The following DLGAP2 variants were observed in gnomAD, a reference collection of about 807,000 sequenced individuals.
The protein encoded by DLGAP2 is disks large-associated protein 2.
Under a neutral mutation model 100.3 loss-of-function variants are expected in DLGAP2, and 26 were observed. That is an observed-to-expected ratio of 0.26 (90% CI 0.19 to 0.36). The LOEUF (loss-of-function observed/expected upper bound fraction) is 0.36. DLGAP2 is among the 10% of genes least tolerant of loss of function. The pLI, the probability that DLGAP2 is intolerant of heterozygous loss-of-function variation, is 1.00. For synonymous variants in DLGAP2, 886 were observed against 630.1 expected (o/e 1.41, Z -6.08); for missense variants, 1,858 against 1,453.2 (o/e 1.28, Z -4.53).
At chr8:1,529,803 C>G (rs1800927001) in intron 4 of DLGAP2, among the ~76,000 whole-genome samples, 2 of 152,110 alleles carry the variant, frequency 1.3e-5, no homozygotes, top group African/African-American at 4.8e-5. Flanking sequence ...GGACAGACTA[C>G]AAAAGAGAGA....
chr8:1,270,276 C>T (rs542212645), intron 3 of DLGAP2, among the ~76,000 whole-genome samples: 1 of 152,096 alleles, frequency 6.6e-6, no homozygotes, highest in African/African-American at 2.4e-5. Flanking sequence ...AGAGGAGCAA[C>T]GTCTGCAGAT....
At chr8:1,640,487 C>T (rs1585022828) in intron 8 of DLGAP2, among the ~76,000 whole-genome samples, 1 of 152,332 alleles carries the variant, frequency 6.6e-6, no homozygotes, top group African/African-American at 2.4e-5. Context: ...GGAATCTGAA[C>T]GTCTTCCCAG....
At chr8:1,594,838 C>G (rs1032050679) in intron 6 of DLGAP2, among the ~76,000 whole-genome samples, 11 of 152,180 alleles carry the variant, frequency 7.2e-5, no homozygotes, top group African/African-American at 2.7e-4. Context: ...TGCCCCTGAT[C>G]TTTCTCTGTG....
At chr8:1,476,288 A>G (rs1236220500) in intron 3 of DLGAP2, among the ~76,000 whole-genome samples, 3 of 152,254 alleles carry the variant, frequency 2.0e-5, no homozygotes, top group Middle Eastern at 3.4e-3. Context: ...ATCCCTCTGA[A>G]GTCTTATTTA....
At chr8:944,661 G>A (rs535027027) in intron 2 of DLGAP2, among the ~76,000 whole-genome samples, 1 of 152,036 alleles carries the variant, frequency 6.6e-6, no homozygotes, top group South Asian at 2.1e-4. Context: ...GATCCAGTGG[G>A]TGGTAATGAT....
At position 1,047,863 on chromosome 8, in the gene DLGAP2, G is replaced by A. The variant is rs145616885; in HGVS notation, c.73+139897G>A. Among the ~76,000 whole-genome samples, 47 of 152,246 alleles carry A rather than the reference G, an allele frequency of 3.1e-4. No individual in the cohort carries two copies. In the East Asian group the frequency reaches 8.5e-3, roughly 27 times the overall value. ...AGGGGACAGAAACATTCAATCTATCGCAGCATCCTTGTTAAAAATTAATAT... is the reference window on the plus strand; with the variant it reads ...AGGGGACAGAAACATTCAATCTATCACAGCATCCTTGTTAAAAATTAATAT... On this transcript the variant is annotated intron_variant, in intron 2 of 14. Transcript: ENST00000637795.
At chr8:1,051,977 T>A (rs181205720) in intron 2 of DLGAP2, among the ~76,000 whole-genome samples, 54 of 152,098 alleles carry the variant, frequency 3.6e-4, no homozygotes, top group African/African-American at 1.3e-3. Context: ...ACCAGAGGAG[T>A]GCCACCTGCC....
intron 1 of DLGAP2, among the ~76,000 whole-genome samples, chr8:757,352 A>C (rs374613120): frequency 2.6e-5 from 4 of 152,198 alleles, no homozygotes; most frequent in African/African-American, 9.7e-5. Context: ...AAATGCTAAG[A>C]AGGCCCCCAT....
chr8:1,647,141 G>A (rs1380817111), intron 8 of DLGAP2, among the ~76,000 whole-genome samples: 2 of 152,182 alleles, frequency 1.3e-5, no homozygotes, highest in East Asian at 1.9e-4. Flanking sequence ...ACACTGCAGT[G>A]AGACTAGTGC....
intron 4 of DLGAP2, among the ~76,000 whole-genome samples, chr8:1,546,678 C>G (rs1000412023): frequency 3.3e-5 from 5 of 152,164 alleles, no homozygotes; most frequent in African/African-American, 9.7e-5. Flanking sequence ...TGCTTGCTTT[C>G]CCTGGCATCC....
chr8:940,741 A>G (rs1200386495), intron 2 of DLGAP2, among the ~76,000 whole-genome samples: 2 of 152,190 alleles, frequency 1.3e-5, no homozygotes, highest in East Asian at 1.9e-4. Context: ...AATTTAAAAT[A>G]GTTTTCTGCA....
intron 4 of DLGAP2, among the ~76,000 whole-genome samples, chr8:1,542,703 C>CTTACA (rs1277229936): frequency 6.6e-6 from 1 of 152,220 alleles, no homozygotes; most frequent in Non-Finnish European, 1.5e-5. Flanking sequence ...TGTAAGCATT[C>CTTACA]TTACACAGGC....
At chr8:1,576,246 G>T (rs1311197097) in intron 6 of DLGAP2, among the ~76,000 whole-genome samples, 11 of 152,256 alleles carry the variant, frequency 7.2e-5, no homozygotes, top group African/African-American at 1.9e-4. Context: ...TCATGTGTCT[G>T]TTGGCTGCAT....
intron 5 of DLGAP2, among the ~76,000 whole-genome samples, chr8:1,556,265 G>T (rs532788799): frequency 4.6e-5 from 7 of 152,220 alleles, no homozygotes; most frequent in African/African-American, 1.7e-4. Flanking sequence ...GTCCGGCTCT[G>T]TCCTCTCCCT....
intron 6 of DLGAP2, among the ~76,000 whole-genome samples, chr8:1,599,630 G>A (rs1796563335): frequency 6.6e-6 from 1 of 152,148 alleles, no homozygotes; most frequent in African/African-American, 2.4e-5. Flanking sequence ...ATTATGTGAT[G>A]CTCTTCTTTG....
At chr8:1,701,052 G>C in intron 14 of DLGAP2, 136 bp from the exon 15 acceptor site, 1 of 761,676 alleles carries the variant, frequency 1.3e-6, no homozygotes, top group Non-Finnish European at 2.1e-6. Flanking sequence ...AGGGCAGACG[G>C]GGGACGGGAG....
intron 3 of DLGAP2, among the ~76,000 whole-genome samples, chr8:1,412,994 C>T (rs1436406901): frequency 1.3e-5 from 2 of 152,106 alleles, no homozygotes; most frequent in Non-Finnish European, 1.5e-5. Flanking sequence ...TTCCTGACCA[C>T]AGTGTGGGAA....
rs748956565 is a variant in DLGAP2 at position 1,678,290 on chromosome 8, C to T, written c.2365C>T (p.His789Tyr). 6 of 1,612,306 alleles carry T rather than the reference C, an allele frequency of 3.7e-6. No homozygotes were observed. The highest frequency in any genetic ancestry group is 5.1e-6 in the Non-Finnish European group (6 of 1,178,978). The change falls in exon 12 of 15, where the codon CAC becomes TAC. Residue 789 changes from histidine to tyrosine, a missense_variant. Coordinates refer to ENST00000637795, the MANE Select transcript of DLGAP2 (RefSeq NM_001346810.2). ...CCTGGAGCTGGAGGGGTTCCCAGGCCACATCACCACGGAGGACAAAGGCCT... is the reference window on the plus strand; with the variant it reads ...CCTGGAGCTGGAGGGGTTCCCAGGCTACATCACCACGGAGGACAAAGGCCT... ...ADLELEGFPG[H>Y]ITTEDKGLQF...
chr8:1,595,673 C>CAAAAAAA (rs760901814), intron 6 of DLGAP2, among the ~76,000 whole-genome samples: 1 of 98,526 alleles, frequency 1.0e-5, no homozygotes, highest in African/African-American at 3.5e-5. Context: ...GACTCCGTCT[C>CAAAAAAA]AAAAAAAAAA....
Sources: gnomAD v4.1 joint callset for allele counts (sites outside exome capture counted in the v4.1 genomes callset) on GRCh38, gnomAD v4.1.1 for gene constraint, MANE v1.5 for transcripts, NCBI Gene and HGNC (gene_info 2026-07-23, HGNC 2026-07-21) for gene names.